Variants in DENND5A observed in about 807,000 individuals in gnomAD.
DENND5A encodes the protein DENN domain containing 5A.
DENND5A carries 64 observed loss-of-function variants against 140.3 expected under a neutral mutation model. The ratio of observed to expected loss-of-function variants is 0.46; its 90% CI spans 0.37 to 0.56. The LOEUF is 0.56. Ranked by LOEUF, DENND5A falls within the 20% of genes least tolerant of loss-of-function variation. DENND5A has a pLI of 0.00. For missense variants in DENND5A, 1,292 were observed against 1,593.8 expected, an observed-to-expected ratio of 0.81 and a Z score of 3.22; for synonymous variants, 605 against 607.7, an observed-to-expected ratio of 1.00 and a Z score of 0.07.
intron 1 of DENND5A, among the ~76,000 whole-genome samples, chr11:9,245,146 A>G (rs893760747): frequency 4.0e-5 from 6 of 151,802 alleles, no homozygotes; most frequent in East Asian, 2.0e-4. Context: ...TTAGCTGGGC[A>G]TGGTGGCACG....
intron 1 of DENND5A, among the ~76,000 whole-genome samples, chr11:9,218,067 C>A (rs1850164983): frequency 6.6e-6 from 1 of 152,114 alleles, no homozygotes; most frequent in South Asian, 2.1e-4. Flanking sequence ...CCAACCTGGG[C>A]AACATGGCAA....
chr11:9,189,618 G>A (rs1007053931), intron 5 of DENND5A, among the ~76,000 whole-genome samples: 2 of 145,092 alleles, frequency 1.4e-5, no homozygotes, highest in African/African-American at 5.1e-5. Context: ...CTGTTGTTTG[G>A]TTTTTTTTTT....
intron 1 of DENND5A, among the ~76,000 whole-genome samples, chr11:9,240,647 T>C (rs1045561135): frequency 6.6e-6 from 1 of 151,776 alleles, no homozygotes; most frequent in Non-Finnish European, 1.5e-5. Flanking sequence ...GAGGCAGAGT[T>C]TGCAGTGAGC....
intron 1 of DENND5A, among the ~76,000 whole-genome samples, chr11:9,245,012 C>G (rs185435228): frequency 6.9e-6 from 1 of 144,480 alleles, no homozygotes; most frequent in Non-Finnish European, 1.5e-5. Context: ...AGGCCGGGTG[C>G]GGTGGCTCAT....
intron 4 of DENND5A, among the ~76,000 whole-genome samples, chr11:9,194,189 C>T (rs898509033): frequency 6.6e-5 from 10 of 152,032 alleles, no homozygotes; most frequent in African/African-American, 2.2e-4. Context: ...TGGTTTTCCA[C>T]ACTAGCCAAG....
chr11:9,204,220 G>A lies in DENND5A; in HGVS notation c.389C>T (p.Thr130Ile). 3.1e-6 allele frequency: 5 copies of A among 1,614,064 alleles called. No individual in the cohort carries two copies. The highest frequency in any genetic ancestry group is 4.2e-6 in the Non-Finnish European group (5 of 1,180,024). The change falls in exon 4 of 23, where the codon ACA becomes ATA. Residue 130 changes from threonine to isoleucine, a missense_variant. Coordinates refer to ENST00000328194, the MANE Select transcript of DENND5A (RefSeq NM_015213.4). ...FIITREDGSR[T>I]FGFALTFYEE... Reference sequence around the variant, plus strand: ...ATAAAATGTGAGGGCAAACCCAAATGTCCGAGAGCCATCCTCCCTTGTGAT... The same window carrying A: ...ATAAAATGTGAGGGCAAACCCAAATATCCGAGAGCCATCCTCCCTTGTGAT...
At chr11:9,197,963 A>G (rs1438849429) in intron 4 of DENND5A, among the ~76,000 whole-genome samples, 2 of 152,106 alleles carry the variant, frequency 1.3e-5, no homozygotes, top group Admixed American at 6.6e-5. Flanking sequence ...CACTTAGCCA[A>G]CTCACTTTAC....
chr11:9,204,344 A>G, intron 3 of DENND5A, 27 bp from the exon 4 acceptor site: 1 of 1,594,982 alleles, frequency 6.3e-7, no homozygotes, highest in South Asian at 1.1e-5. Flanking sequence ...GGCAACAAGC[A>G]GTGAGAACAC....
chr11:9,144,788 C>CA (rs112911509), intron 18 of DENND5A, among the ~76,000 whole-genome samples: 308 of 116,228 alleles, frequency 2.6e-3, no homozygotes, highest in South Asian at 0.013. Flanking sequence ...GACTCCGTCT[C>CA]AAAAAAAAAA....
intron 1 of DENND5A, among the ~76,000 whole-genome samples, chr11:9,247,255 C>T (rs942511252): frequency 4.6e-5 from 7 of 151,508 alleles, no homozygotes; most frequent in African/African-American, 1.7e-4. Flanking sequence ...AAACCCTTGC[C>T]TGCAAGCCAC....
intron 7 of DENND5A, 119 bp from the exon 8 acceptor site, chr11:9,178,485 G>A: frequency 1.6e-6 from 1 of 638,028 alleles, no homozygotes; most frequent in Admixed American, 3.0e-5. Flanking sequence ...ATACCAAGCT[G>A]CAAAATCTCT....
chr11:9,208,778 C>G lies in DENND5A; in HGVS notation c.110-1146G>C, dbSNP rs559817733. 3.3e-5 allele frequency among the ~76,000 whole-genome samples: 5 copies of G among 152,306 alleles called. No homozygotes were observed. In the South Asian group the frequency reaches 1.0e-3, roughly 32 times the overall value. ...TCCAAACAAATTCTTCTGAAACTTT[C>G]TTTTTGAGTAAATTTCGTCCCTCAA... On this transcript the variant is annotated intron_variant, in intron 1 of 22. Coordinates refer to ENST00000328194, the MANE Select transcript of DENND5A (RefSeq NM_015213.4).
At chr11:9,173,879 C>T (rs919076778) in intron 8 of DENND5A, among the ~76,000 whole-genome samples, 2 of 151,856 alleles carry the variant, frequency 1.3e-5, no homozygotes, top group East Asian at 1.9e-4. Context: ...CCGAGGCGGG[C>T]GGATCACGAG....
chr11:9,231,715 C>CAA (rs71062818), intron 1 of DENND5A, among the ~76,000 whole-genome samples: 7 of 78,966 alleles, frequency 8.9e-5, no homozygotes, highest in East Asian at 4.4e-4. Context: ...AACTCCGTCT[C>CAA]AAAAAAAAAA....
At chr11:9,143,324 A>G (rs112182638) in intron 20 of DENND5A, 79 bp downstream of exon 20, 20 of 1,257,852 alleles carry the variant, frequency 1.6e-5, no homozygotes, top group African/African-American at 2.9e-5. Flanking sequence ...CTGGAAGAGC[A>G]TAACAAGATA....
intron 11 of DENND5A, among the ~76,000 whole-genome samples, chr11:9,163,720 C>T (rs1021545704): frequency 1.3e-5 from 2 of 150,584 alleles, no homozygotes; most frequent in Admixed American, 6.7e-5. Flanking sequence ...ACGAGAATTG[C>T]TTGAACCTGG....
chr11:9,161,331 G>A (rs917214419), intron 11 of DENND5A, among the ~76,000 whole-genome samples: 1 of 148,340 alleles, frequency 6.7e-6, no homozygotes, highest in African/African-American at 2.5e-5. Flanking sequence ...CTGGGCAACA[G>A]AGCGAGACTC....
At chr11:9,240,723 A>AT (rs1851201831) in intron 1 of DENND5A, among the ~76,000 whole-genome samples, 1 of 151,754 alleles carries the variant, frequency 6.6e-6, no homozygotes, top group Non-Finnish European at 1.5e-5. Flanking sequence ...ACAAAAAAAA[A>AT]GAACTGAAGA....
intron 3 of DENND5A, 62 bp downstream of exon 3, chr11:9,206,611 T>C: frequency 1.6e-6 from 2 of 1,246,348 alleles, no homozygotes; most frequent in South Asian, 2.4e-5. Flanking sequence ...CAGCCTGAAC[T>C]CACAATCCTA....
Sources: allele counts gnomAD v4.1 joint callset (sites outside exome capture counted in the v4.1 genomes callset), GRCh38; gene constraint gnomAD v4.1.1; transcripts MANE v1.5; gene names NCBI Gene and HGNC (gene_info 2026-07-23, HGNC 2026-07-21).